CCNH: variants seen among roughly 807,000 people sequenced by gnomAD.
The protein encoded by CCNH is cyclin-H.
Under a neutral mutation model 41.9 loss-of-function variants are expected in CCNH, and 31 were observed. That is an observed-to-expected ratio of 0.74 (90% CI 0.56 to 1.00). CCNH has a LOEUF of 1.00. CCNH is among the 50% of genes least tolerant of loss of function. The probability of loss-of-function intolerance (pLI) is 0.00; values close to 1 mark genes in which losing one functional copy is unlikely to be tolerated. For missense variants in CCNH, 362 were observed against 388.4 expected, an observed-to-expected ratio of 0.93 and a Z score of 0.57; for synonymous variants, 138 against 136.1, an observed-to-expected ratio of 1.01 and a Z score of -0.10.
At chr5:87,361,487 C>T (rs1003873370) in intron 9 of CCNH, among the ~76,000 whole-genome samples, 6 of 151,958 alleles carry the variant, frequency 3.9e-5, no homozygotes, top group Admixed American at 1.3e-4. Context: ...GTAAGATGGA[C>T]TAAAAGTCAT....
At chr5:87,409,701 T>C (rs991047994) in intron 2 of CCNH, among the ~76,000 whole-genome samples, 17 of 151,718 alleles carry the variant, frequency 1.1e-4, no homozygotes, top group Admixed American at 5.9e-4. Context: ...CTGAATTAGA[T>C]AAATTCAGGA....
chr5:87,349,628 A>C (rs1413319454), intron 9 of CCNH, among the ~76,000 whole-genome samples: 1 of 151,998 alleles, frequency 6.6e-6, no homozygotes, highest in African/African-American at 2.4e-5. Flanking sequence ...CAACAAATTT[A>C]CTAAATCCAT....
At chr5:87,408,886 A>G (rs1272448550) in intron 3 of CCNH, among the ~76,000 whole-genome samples, 1 of 152,212 alleles carries the variant, frequency 6.6e-6, no homozygotes, top group African/African-American at 2.4e-5. Context: ...AGCAGAGAGC[A>G]GCAACAACAG....
chr5:87,346,905 A>G (rs1758902781), intron 9 of CCNH, among the ~76,000 whole-genome samples: 2 of 152,004 alleles, frequency 1.3e-5, no homozygotes, highest in Admixed American at 1.3e-4. Flanking sequence ...GTGTTATAAA[A>G]TTTAGTCAAG....
At chr5:87,333,451 G>GA in intron 9 of CCNH, 2 of 1,484,422 alleles carry the variant, frequency 1.3e-6, no homozygotes, top group Non-Finnish European at 1.8e-6. Flanking sequence ...ACAGCAAGGT[G>GA]AAAGAGCTTT....
At chr5:87,320,737 G>A (rs1384306843) in intron 9 of CCNH, among the ~76,000 whole-genome samples, 1 of 152,182 alleles carries the variant, frequency 6.6e-6, no homozygotes. Flanking sequence ...CCATATCAGA[G>A]GGAGGTAATG....
At chr5:87,319,762 T>G (rs139431289) in intron 9 of CCNH, among the ~76,000 whole-genome samples, 88 of 152,278 alleles carry the variant, frequency 5.8e-4, no homozygotes, top group African/African-American at 1.9e-3. Context: ...TCTTGGCTAT[T>G]AGCATTTGGC....
chr5:87,346,574 A>C (rs1758876655), intron 9 of CCNH: 2 of 663,860 alleles, frequency 3.0e-6, no homozygotes, highest in Non-Finnish European at 5.1e-6. Context: ...TTATTTTATC[A>C]CTTTGAATTA....
intron 9 of CCNH, chr5:87,331,287 T>C (rs1757580979): frequency 6.7e-7 from 1 of 1,491,676 alleles, no homozygotes; most frequent in Non-Finnish European, 9.3e-7. Flanking sequence ...GTTTTTCAAG[T>C]GTCCATAGAA....
chr5:87,335,433 T>G (rs559084660), intron 9 of CCNH, among the ~76,000 whole-genome samples: 14 of 144,752 alleles, frequency 9.7e-5, no homozygotes, highest in East Asian at 4.0e-4. Context: ...TTTTTTTTTT[T>G]TTTTTTTTTT....
downstream of CCNH, among the ~76,000 whole-genome samples, chr5:87,371,383 C>G (rs987404252): frequency 6.7e-6 from 1 of 150,330 alleles, no homozygotes; most frequent in African/African-American, 2.4e-5. Context: ...AGCCAACAAA[C>G]TAAAGACATA....
chr5:87,411,217 A>G lies in CCNH; in HGVS notation c.240+7T>C, dbSNP rs747840488. 147 of 1,608,074 alleles carry G rather than the reference A, an allele frequency of 9.1e-5. No individual in the cohort carries two copies. Among genetic ancestry groups the G allele is most frequent in the Non-Finnish European group, 1.2e-4 (143 of 1,177,780 alleles). On this transcript the variant is annotated splice_region_variant and intron_variant, in intron 2 of 8. Transcript: ENST00000256897. ...GGACATTATATTTCATCACCACTGTAACTTACCACAACAGATCTTGGCATT... is the reference window on the plus strand; with the variant it reads ...GGACATTATATTTCATCACCACTGTGACTTACCACAACAGATCTTGGCATT...
chr5:87,362,575 A>C, intron 9 of CCNH: 2 of 1,594,844 alleles, frequency 1.3e-6, no homozygotes, highest in Non-Finnish European at 1.7e-6. Context: ...ACTCAATGAC[A>C]CAGTGGATGG....
At chr5:87,315,370 CCTT>C (rs950026241), downstream of CCNH, among the ~76,000 whole-genome samples, 25 of 152,298 alleles carry the variant, frequency 1.6e-4, 1 homozygote, top group Admixed American at 1.3e-3. Flanking sequence ...TCAGGTCTCT[CCTT>C]CTCTTATAAA....
intron 9 of CCNH, among the ~76,000 whole-genome samples, chr5:87,350,346 A>G (rs1419709344): frequency 1.3e-5 from 2 of 151,808 alleles, no homozygotes; most frequent in Non-Finnish European, 2.9e-5. Context: ...AAATACAGCT[A>G]GCTGCAATTT....
downstream of CCNH, chr5:87,389,579 G>C (rs757723684): frequency 6.3e-6 from 10 of 1,598,974 alleles, no homozygotes; most frequent in East Asian, 4.5e-5. Flanking sequence ...ATAACACTTA[G>C]AGAGTTAATA....
chr5:87,409,922 A>G (rs1305917531), intron 2 of CCNH, among the ~76,000 whole-genome samples: 6 of 152,148 alleles, frequency 3.9e-5, no homozygotes, highest in Admixed American at 3.9e-4. Flanking sequence ...ACTCTGTGCT[A>G]AACACGAAAC....
chr5:87,345,849 T>C (rs1758822926), intron 9 of CCNH, among the ~76,000 whole-genome samples: 1 of 152,104 alleles, frequency 6.6e-6, no homozygotes, highest in South Asian at 2.1e-4. Flanking sequence ...AAGTAGTAGA[T>C]AGGTGATCGG....
chr5:87,313,683 C>T (rs1217048336), downstream of CCNH, among the ~76,000 whole-genome samples: 1 of 152,046 alleles, frequency 6.6e-6, no homozygotes, highest in East Asian at 1.9e-4. Flanking sequence ...GATTATATTA[C>T]AGATAAGATA....
Sources: gnomAD v4.1 joint callset for allele counts (sites outside exome capture counted in the v4.1 genomes callset) on GRCh38, gnomAD v4.1.1 for gene constraint, MANE v1.5 for transcripts, NCBI Gene and HGNC (gene_info 2026-07-23, HGNC 2026-07-21) for gene names.